Variants in TJP2 observed in about 807,000 individuals in gnomAD.
The protein encoded by TJP2 is Friedreich ataxia region gene X104 (tight junction protein ZO-2).
In TJP2, 91 loss-of-function variants were observed where a neutral mutation model predicts 133.1. That is an observed-to-expected ratio of 0.68 (90% CI 0.58 to 0.81). TJP2 has a LOEUF of 0.81. Ranked by LOEUF, TJP2 falls within the 40% of genes least tolerant of loss-of-function variation. The pLI is 0.00. For synonymous variants in TJP2, 592 were observed against 583.4 expected (o/e 1.01, Z -0.21); for missense variants, 1,541 against 1,565.6 (o/e 0.98, Z 0.26).
At chr9:69,244,637 CG>C (rs1486384402) in intron 17 of TJP2, among the ~76,000 whole-genome samples, 1 of 152,148 alleles carries the variant, frequency 6.6e-6, no homozygotes, top group Non-Finnish European at 1.5e-5. Context: ...ATCTGAGAAG[CG>C]GAATGAGAGA....
chr9:69,201,335 T>G (rs2133123812), intron 1 of TJP2, among the ~76,000 whole-genome samples: 1 of 152,278 alleles, frequency 6.6e-6, no homozygotes, highest in Non-Finnish European at 1.5e-5. Context: ...CAGTTGTTCT[T>G]ACGTTCTGAT....
At chr9:69,182,413 C>G (rs193170401) in intron 1 of TJP2, among the ~76,000 whole-genome samples, 52 of 152,234 alleles carry the variant, frequency 3.4e-4, no homozygotes, top group African/African-American at 1.1e-3. Context: ...TGAAGAAGCC[C>G]CAAGTTTGCA....
chr9:69,238,851 C>A (rs1371492848), intron 16 of TJP2, 62 bp downstream of exon 16: 4 of 1,341,530 alleles, frequency 3.0e-6, no homozygotes, highest in African/African-American at 2.9e-5. Context: ...TTGCTGCAGT[C>A]ACTTTTAGGA....
At chr9:69,245,154 C>T (rs1299389297) in intron 17 of TJP2, among the ~76,000 whole-genome samples, 1 of 152,180 alleles carries the variant, frequency 6.6e-6, no homozygotes, top group African/African-American at 2.4e-5. Flanking sequence ...AGTTAATTTT[C>T]TTCGGGTTGT....
At chr9:69,227,729 T>C (rs1345326320) in intron 7 of TJP2, 36 bp from the exon 8 acceptor site, 2 of 1,371,778 alleles carry the variant, frequency 1.5e-6, no homozygotes. Context: ...ATTTTAAATA[T>C]TTTATTTAAA....
chr9:69,253,097 T>C, intron 22 of TJP2, 197 bp downstream of exon 22: 1 of 612,992 alleles, frequency 1.6e-6, no homozygotes, highest in Non-Finnish European at 2.9e-6. Flanking sequence ...TTTGCTTGTG[T>C]GCTAAAACTC....
intron 2 of TJP2, among the ~76,000 whole-genome samples, chr9:69,159,059 C>T (rs897305659): frequency 1.3e-5 from 2 of 151,856 alleles, no homozygotes; most frequent in African/African-American, 4.8e-5. Context: ...AATCCCAGCA[C>T]TTTGGGAGGC....
chr9:69,210,776 A>G (rs1356319379), intron 1 of TJP2, among the ~76,000 whole-genome samples: 2 of 144,332 alleles, frequency 1.4e-5, no homozygotes, highest in Non-Finnish European at 3.0e-5. Context: ...TATTAAATAT[A>G]CAGATGGGGT....
intron 1 of TJP2, chr9:69,204,791 C>A (rs1398034080): frequency 5.8e-6 from 6 of 1,039,510 alleles, no homozygotes; most frequent in Admixed American, 1.0e-4. Context: ...TCTAAATATT[C>A]TTTTCCATAA....
Position 69,248,046 on chromosome 9 carries a change from T to C in TJP2, c.2702T>C (p.Met901Thr). 6.2e-7 allele frequency: 1 copy of C among 1,613,616 alleles called. No individual in the cohort carries two copies. Among genetic ancestry groups the C allele is most frequent in the South Asian group, 1.1e-5 (1 of 91,042 alleles). The change falls in exon 19 of 23, where the codon ATG becomes ACG. Residue 901 changes from methionine (M) to threonine (T), a missense_variant. Met to Thr is a moderately conservative substitution (Grantham distance 81). Coordinates refer to ENST00000377245, the MANE Select transcript of TJP2 (RefSeq NM_004817.4). ...EGMDDDPEDRMSYLTAMGADY... is the reference protein window; with the variant it reads ...EGMDDDPEDRTSYLTAMGADY... ...ATGGATGATGACCCCGAAGACCGCA[T>C]GTCCTACTTAACCGCCATGGGCGCG...
At chr9:69,208,584 TAAAC>T (rs542671113) in intron 1 of TJP2, among the ~76,000 whole-genome samples, 43 of 152,302 alleles carry the variant, frequency 2.8e-4, no homozygotes, top group African/African-American at 9.9e-4. Context: ...GGCTAAATGA[TAAAC>T]AAATTTAAAT....
chr9:69,246,506 A>G, intron 17 of TJP2, 184 bp from the exon 18 acceptor site: 1 of 631,984 alleles, frequency 1.6e-6, no homozygotes, highest in Non-Finnish European at 2.9e-6. Context: ...TCAAACAGCT[A>G]CATGATTAGT....
intron 1 of TJP2, chr9:69,205,268 C>G (rs948310986): frequency 1.3e-6 from 2 of 1,537,088 alleles, no homozygotes; most frequent in Admixed American, 2.0e-5. Context: ...CTTGTTTTCC[C>G]CAACCTTTCT....
Position 69,212,592 on chromosome 9 carries a change from C to T in TJP2, c.105C>T (p.Thr35=), listed in dbSNP as rs1426850045. Residue 35 remains threonine (T), a synonymous_variant, in exon 2 of 23, where the codon ACC becomes ACT. Transcript: ENST00000377245. ...TGATATGGGAACAGTACACTGTGAC[C>T]CTACAAAAGGTGAGTTCTGCACATT... ...EELIWEQYTV[T]LQKDSKRGFG... The T allele has an allele frequency of 2.5e-6, 4 of 1,612,082 alleles. No individual in the cohort carries two copies. Among genetic ancestry groups the T allele is most frequent in the Middle Eastern group, 1.6e-4 (1 of 6,080 alleles).
intron 17 of TJP2, among the ~76,000 whole-genome samples, chr9:69,242,209 A>G (rs2133425590): frequency 6.6e-6 from 1 of 152,322 alleles, no homozygotes; most frequent in East Asian, 1.9e-4. Flanking sequence ...TCTTGGGAGC[A>G]CAGGCCACGG....
chr9:69,226,807 A>G (rs924374721), intron 7 of TJP2, among the ~76,000 whole-genome samples: 2 of 152,210 alleles, frequency 1.3e-5, no homozygotes, highest in African/African-American at 4.8e-5. Context: ...TTAATTGCTC[A>G]TTCTTTAAAA....
At chr9:69,212,507 G>T (rs1407022579) in intron 1 of TJP2, 41 bp from the exon 2 acceptor site, 1 of 1,462,196 alleles carries the variant, frequency 6.8e-7, no homozygotes, top group Non-Finnish European at 9.6e-7. Flanking sequence ...CATTGAAAAG[G>T]TTGTGGTTTT....
At chr9:69,208,227 A>C (rs545270561) in intron 1 of TJP2, among the ~76,000 whole-genome samples, 17 of 152,318 alleles carry the variant, frequency 1.1e-4, no homozygotes, top group African/African-American at 3.8e-4. Context: ...CTTTACAATT[A>C]AGATTTTCTC....
chr9:69,254,071 G>C, intron 22 of TJP2, 138 bp from the exon 23 acceptor site: 1 of 996,866 alleles, frequency 1.0e-6, no homozygotes, highest in African/African-American at 1.6e-5. Context: ...GGGATGCCCT[G>C]GTTGCTCTGC....
Sources: gnomAD v4.1 joint callset for allele counts (sites outside exome capture counted in the v4.1 genomes callset) on GRCh38, gnomAD v4.1.1 for gene constraint, MANE v1.5 for transcripts, NCBI Gene and HGNC (gene_info 2026-07-23, HGNC 2026-07-21) for gene names.